The following VMA22 variants were observed in gnomAD, a reference collection of about 807,000 sequenced individuals.
VMA22 encodes vacuolar ATPase assembly factor VMA22, also known as vacuolar ATPase assembly protein VMA22.
At chr2:130,341,909 C>T in the VMA22 span, 15 of 1,613,708 alleles carry the variant, frequency 9.3e-6, no homozygotes, top group Non-Finnish European at 1.3e-5. Flanking sequence ...ACTTGGCGCC[C>T]ATCGCGTAGC....
At chr2:130,339,392 C>A in the VMA22 span, among the ~76,000 whole-genome samples, 1 of 152,198 alleles carries the variant, frequency 6.6e-6, no homozygotes, top group Non-Finnish European at 1.5e-5. Context: ...TGCTCCAGAA[C>A]CTCTGAGGCC....
the VMA22 span, chr2:130,341,801 G>GAC: frequency 1.3e-5 from 18 of 1,378,140 alleles, no homozygotes; most frequent in South Asian, 7.8e-5. Context: ...CCTAGAACGC[G>GAC]CCCGCCCGCC....
chr2:130,342,049 CCCTCCAGCT>C, the VMA22 span: 1 of 1,613,994 alleles, frequency 6.2e-7, no homozygotes, highest in Non-Finnish European at 8.5e-7. Context: ...CGTTCGTTTC[CCCTCCAGCT>C]CCTCCAGGTC....
the VMA22 span, chr2:130,339,965 A>T: frequency 1.7e-6 from 1 of 575,058 alleles, no homozygotes; most frequent in Non-Finnish European, 2.6e-6. Context: ...CCTCTCCCAA[A>T]CTCCAGATAC....
chr2:130,341,673 C>T, the VMA22 span: 2 of 1,610,986 alleles, frequency 1.2e-6, no homozygotes, highest in Non-Finnish European at 1.7e-6. Context: ...TCACCTGCTT[C>T]GCGAGGCCCC....
At chr2:130,342,258 G>A in the VMA22 span, 1 of 1,530,680 alleles carries the variant, frequency 6.5e-7, no homozygotes, top group Non-Finnish European at 8.8e-7. Flanking sequence ...GCAGCACCAA[G>A]GCCTCTGGGT....
the VMA22 span, chr2:130,339,863 A>G: frequency 8.2e-7 from 1 of 1,226,712 alleles, no homozygotes; most frequent in South Asian, 1.4e-5. Context: ...ATCTCATCCT[A>G]TCTCAGCTTT....
chr2:130,341,800 C>CGGGGGGGGG, the VMA22 span: 1 of 1,388,812 alleles, frequency 7.2e-7, no homozygotes, highest in Admixed American at 2.0e-5. Flanking sequence ...GCCTAGAACG[C>CGGGGGGGGG]GCCCGCCCGC....
At chr2:130,339,117 A>G in the VMA22 span, 3 of 1,611,520 alleles carry the variant, frequency 1.9e-6, no homozygotes, top group Non-Finnish European at 2.5e-6. Flanking sequence ...CTTTGCGCGC[A>G]TGTCAGGCAG....
chr2:130,341,160 C>T, the VMA22 span: 1 of 1,244,388 alleles, frequency 8.0e-7, no homozygotes, highest in Non-Finnish European at 1.1e-6. Context: ...TGGAAAATTC[C>T]AACTTTGGGG....
the VMA22 span, chr2:130,341,751 T>G: frequency 2.5e-6 from 4 of 1,611,106 alleles, no homozygotes; most frequent in East Asian, 4.5e-5. Flanking sequence ...TGGGCCTCGC[T>G]GAAGGACGAG....
the VMA22 span, chr2:130,342,149 C>A: frequency 3.7e-6 from 6 of 1,611,934 alleles, no homozygotes; most frequent in Non-Finnish European, 5.1e-6. Context: ...GATCTGGAGC[C>A]ACCTTCTTCC....
At chr2:130,339,328 C>G in the VMA22 span, 1 of 1,354,966 alleles carries the variant, frequency 7.4e-7, no homozygotes, top group Non-Finnish European at 1.0e-6. Flanking sequence ...GGCTTCAGGC[C>G]TCTCTGCCCC....
At chr2:130,342,067 T>A in the VMA22 span, 2 of 1,613,440 alleles carry the variant, frequency 1.2e-6, no homozygotes, top group Non-Finnish European at 8.5e-7. Context: ...CTCCTCCAGG[T>A]CCCCAAGCAG....
chr2:130,341,719 C>T, the VMA22 span: 1 of 1,611,674 alleles, frequency 6.2e-7, no homozygotes, highest in East Asian at 2.2e-5. Flanking sequence ...CTCTCACCAC[C>T]TTGAACTTCT....
At chr2:130,342,003 C>T in the VMA22 span, 1 of 1,613,580 alleles carries the variant, frequency 6.2e-7, no homozygotes, top group Admixed American at 1.7e-5. Flanking sequence ...CCTGCCCGCC[C>T]CAGGCGCCTA....
chr2:130,341,801 G>GGGGC, the VMA22 span: 10 of 1,378,080 alleles, frequency 7.3e-6, no homozygotes, highest in Non-Finnish European at 9.9e-6. Flanking sequence ...CCTAGAACGC[G>GGGGC]CCCGCCCGCC....
chr2:130,338,709 G>A, the VMA22 span: 2 of 177,634 alleles, frequency 1.1e-5, no homozygotes, highest in African/African-American at 2.4e-5. Context: ...TTTTGGCTGA[G>A]TACGGTTTTC....
the VMA22 span, chr2:130,341,842 T>G: frequency 8.2e-6 from 8 of 977,356 alleles, no homozygotes; most frequent in Admixed American, 1.7e-4. Context: ...CTTCCTCACC[T>G]GGCGTGGAGG....
Sources: gnomAD v4.1 joint callset for allele counts (sites outside exome capture counted in the v4.1 genomes callset) on GRCh38, gnomAD v4.1.1 for gene constraint, MANE v1.5 for transcripts, NCBI Gene and HGNC (gene_info 2026-07-23, HGNC 2026-07-21) for gene names.